ZNF141: variants seen among roughly 807,000 people sequenced by gnomAD.
ZNF141 encodes the protein zinc finger protein 141.
A neutral mutation model predicts 11.3 loss-of-function variants in ZNF141; 7 were observed. The observed-to-expected ratio is 0.62, with a 90% CI of 0.35 to 1.16. The LOEUF (loss-of-function observed/expected upper bound fraction) is 1.16, where lower values mean the gene tolerates loss of function less well. Ranked by LOEUF, ZNF141 falls within the 50% of genes most tolerant of loss-of-function variation. The pLI is 0.02. For synonymous variants in ZNF141, 183 were observed against 190.7 expected (o/e 0.96, Z 0.33); for missense variants, 535 against 554.0 (o/e 0.97, Z 0.34).
rs1214792677 is a variant in ZNF141, at chr4:344,317, T to A, written c.131-18T>A. 2 of 1,598,846 alleles carry A rather than the reference T, an allele frequency of 1.3e-6. No individual in the cohort carries two copies. The highest frequency in any genetic ancestry group is 2.7e-5 in the African/African-American group (2 of 74,486). ...CCCCATCAATAGTCATGTTATTATTTTTTTTAAAATAAAACAGGTGTTGCT... is the reference window on the plus strand; with the variant it reads ...CCCCATCAATAGTCATGTTATTATTATTTTTAAAATAAAACAGGTGTTGCT... On this transcript the variant is annotated intron_variant, in intron 2 of 3. Coordinates refer to ENST00000240499, the MANE Select transcript of ZNF141 (RefSeq NM_003441.4).
Position 372,992 on chromosome 4 carries a change from C to T in ZNF141, c.555C>T (p.His185=), listed in dbSNP as rs782310539. ...GCAAATCATTTCAGAAGTTTTCACA[C>T]CTAACTCAACATAAGGTAATTCATG... ...ECGKSFQKFS[H]LTQHKVIHAG... Residue 185 remains histidine (H), a synonymous_variant, in exon 4 of 4, where the codon CAC becomes CAT. Transcript: ENST00000240499. The T allele has an allele frequency of 3.7e-6, 6 of 1,613,898 alleles. No homozygotes were observed. The Admixed American group carries it at 5.0e-5, about 13-fold the overall frequency.
At chr4:350,706 G>T (rs1721554397) in intron 3 of ZNF141, among the ~76,000 whole-genome samples, 1 of 151,966 alleles carries the variant, frequency 6.6e-6, no homozygotes. Flanking sequence ...TACTGTCTTT[G>T]CCATAGTGAG....
chr4:340,797 T>C (rs1721010094), intron 1 of ZNF141, among the ~76,000 whole-genome samples: 1 of 152,246 alleles, frequency 6.6e-6, no homozygotes, highest in Admixed American at 6.5e-5. Flanking sequence ...TACTGGACAC[T>C]ATAACCCACA....
intron 3 of ZNF141, among the ~76,000 whole-genome samples, chr4:362,706 C>T (rs1055097292): frequency 6.6e-6 from 1 of 152,158 alleles, no homozygotes; most frequent in Non-Finnish European, 1.5e-5. Context: ...GGTATTATTT[C>T]TGAGGGCTCT....
Position 372,519 on chromosome 4 carries a change from A to G in ZNF141, c.227-145A>G, listed in dbSNP as rs563217825. The G allele has an allele frequency of 1.9e-5, 12 of 636,692 alleles. No individual in the cohort carries two copies. In the East Asian group the frequency reaches 3.0e-4, roughly 16 times the overall value. 39.4% of individuals were successfully genotyped at this position (636,692 alleles called of 1,614,324 possible). On this transcript the variant is annotated intron_variant, in intron 3 of 3. Transcript: ENST00000240499. The stretch of plus-strand genomic sequence containing the variant: ...GTCTTTGTTAGTATATGTTTGCTAC[A>G]TGTATATGTCTGTGAAGAAGTTATG...
At chr4:366,492 C>T (rs1180928274) in intron 3 of ZNF141, among the ~76,000 whole-genome samples, 6 of 151,778 alleles carry the variant, frequency 4.0e-5, no homozygotes, top group East Asian at 1.9e-4. Flanking sequence ...TTAGTAGTGA[C>T]GGGGTTTCAC....
chr4:359,507 G>A (rs781980108), intron 3 of ZNF141, among the ~76,000 whole-genome samples: 2 of 152,144 alleles, frequency 1.3e-5, no homozygotes, highest in South Asian at 2.1e-4. Context: ...ATACACAGCT[G>A]AGACCAAAGT....
At chr4:365,651 TC>T (rs1711708229) in intron 3 of ZNF141, among the ~76,000 whole-genome samples, 1 of 152,244 alleles carries the variant, frequency 6.6e-6, no homozygotes, top group East Asian at 1.9e-4. Context: ...TTTGTTGTAA[TC>T]CCATTTGCAT....
chr4:379,616 T>G lies in ZNF141; in HGVS notation c.*5754T>G, dbSNP rs1277990579. Among the ~76,000 whole-genome samples the G allele has an allele frequency of 6.6e-6, 1 of 151,964 alleles. No individual in the cohort carries two copies. Among genetic ancestry groups the G allele is most frequent in the Non-Finnish European group, 1.5e-5 (1 of 67,988 alleles). ...TCTCAAACTCCTGACCCTGTGATCC[T>G]GCCACCTTGGCCTCCCAAAGTTCTG... On this transcript the variant is annotated 3_prime_UTR_variant, in exon 4 of 4. Coordinates refer to ENST00000240499, the MANE Select transcript of ZNF141 (RefSeq NM_003441.4).
intron 3 of ZNF141, among the ~76,000 whole-genome samples, chr4:363,122 T>G (rs1711568673): frequency 6.6e-6 from 1 of 152,200 alleles, no homozygotes. Flanking sequence ...TCCTATGTAT[T>G]TTATTGTCTT....
At position 383,538 on chromosome 4, in the gene ZNF141, C is replaced by G. The variant is rs1712757350; in HGVS notation, c.*9676C>G. ...GGTTTGGAGGCAGGGAACTTAAGGC[C>G]AATTCGTGCTGACTTCCTACAAGAA... On this transcript the variant is annotated 3_prime_UTR_variant, in exon 4 of 4. Transcript: ENST00000240499. 1 of 184,418 alleles carries G rather than the reference C, an allele frequency of 5.4e-6. No homozygotes were observed. The highest frequency in any genetic ancestry group is 6.1e-5 in the Admixed American group (1 of 16,318). 11.4% of individuals were successfully genotyped at this position (184,418 alleles called of 1,614,324 possible).
chr4:354,825 AT>A (rs1263862003), intron 3 of ZNF141, among the ~76,000 whole-genome samples: 1 of 151,970 alleles, frequency 6.6e-6, no homozygotes, highest in Non-Finnish European at 1.5e-5. Context: ...TTTAATATCC[AT>A]TTATTTGTAA....
intron 3 of ZNF141, among the ~76,000 whole-genome samples, chr4:346,852 T>C (rs1560182767): frequency 6.7e-6 from 1 of 148,736 alleles, no homozygotes; most frequent in Non-Finnish European, 1.5e-5. Context: ...TATATATATG[T>C]ATATACATGT....
intron 3 of ZNF141, among the ~76,000 whole-genome samples, chr4:349,789 G>C (rs551616654): frequency 1.1e-3 from 161 of 152,322 alleles, no homozygotes; most frequent in Non-Finnish European, 1.4e-3. Context: ...GGGCCCTGGA[G>C]AGATTAGATT....
chr4:381,684 C>T lies in ZNF141; in HGVS notation c.*7822C>T, dbSNP rs1712625636. Among the ~76,000 whole-genome samples the T allele has an allele frequency of 6.6e-6, 1 of 152,086 alleles. No homozygotes were observed. The highest frequency in any genetic ancestry group is 2.1e-4 in the South Asian group (1 of 4,832). ...TCAGCCTCCCAAAGTGCTGGGATTA[C>T]AGGCGTGAGCCACCATGCCCTCAAA... On this transcript the variant is annotated 3_prime_UTR_variant, in exon 4 of 4. Coordinates refer to ENST00000240499, the MANE Select transcript of ZNF141 (RefSeq NM_003441.4).
chr4:343,083 G>A (rs575567780), intron 1 of ZNF141: 2 of 444,046 alleles, frequency 4.5e-6, no homozygotes, highest in African/African-American at 5.8e-5. Context: ...AAAGTTCCTT[G>A]CATGATTAAA....
At chr4:369,764 A>ATATATCTTTTTTTT in intron 3 of ZNF141, among the ~76,000 whole-genome samples, 1 of 48,742 alleles carries the variant, frequency 2.1e-5, no homozygotes, top group African/African-American at 1.7e-4. Context: ...ATATATATAT[A>ATATATCTTTTTTTT]TTTTTTTTTT....
Position 372,757 on chromosome 4 carries a change from G to A in ZNF141, c.320G>A (p.Gly107Glu). ...ATACTGAGAAGATATGAGAAATGTG[G>A]ACATGATAATTTACAATTAAGAAAA... ...KLILRRYEKCGHDNLQLRKGC... is the reference protein window; with the variant it reads ...KLILRRYEKCEHDNLQLRKGC... Residue 107 changes from glycine to glutamate, a missense_variant, in exon 4 of 4, where the codon GGA becomes GAA. Physicochemically the swap from Gly to Glu is moderately conservative, Grantham distance 98. Coordinates refer to ENST00000240499, the MANE Select transcript of ZNF141 (RefSeq NM_003441.4). 1.2e-6 allele frequency: 2 copies of A among 1,613,848 alleles called. No homozygotes were observed. Among genetic ancestry groups the A allele is most frequent in the Non-Finnish European group, 1.7e-6 (2 of 1,179,866 alleles).
At position 381,460 on chromosome 4, in the gene ZNF141, G is replaced by C. The variant is rs1273232244; in HGVS notation, c.*7598G>C. 7.8e-5 allele frequency among the ~76,000 whole-genome samples: 11 copies of C among 140,806 alleles called. No homozygotes were observed. The highest frequency in any genetic ancestry group is 3.0e-4 in the African/African-American group (11 of 37,136). 92.4% of individuals were successfully genotyped at this position (140,806 alleles called of 152,430 possible). On this transcript the variant is annotated 3_prime_UTR_variant, in exon 4 of 4. Transcript: ENST00000240499. ...GTCTTGCTCTGTCGCCCAGGCTGGAGTGCAGTGGTGCAATCTCGGCTCACT... is the reference window on the plus strand; with the variant it reads ...GTCTTGCTCTGTCGCCCAGGCTGGACTGCAGTGGTGCAATCTCGGCTCACT...
Sources: allele counts gnomAD v4.1 joint callset (sites outside exome capture counted in the v4.1 genomes callset), GRCh38; gene constraint gnomAD v4.1.1; transcripts MANE v1.5; gene names NCBI Gene and HGNC (gene_info 2026-07-23, HGNC 2026-07-21).